Variants in MICAL2 observed in about 807,000 individuals in gnomAD.
The protein encoded by MICAL2 is [F-actin]-monooxygenase MICAL2.
Under a neutral mutation model 127.3 loss-of-function variants are expected in MICAL2, and 77 were observed. That is an observed-to-expected ratio of 0.60 (90% CI 0.50 to 0.73). The LOEUF is 0.73. Ranked by LOEUF, MICAL2 falls within the 30% of genes least tolerant of loss-of-function variation. The probability of loss-of-function intolerance (pLI) is 0.00; values close to 1 mark genes in which losing one functional copy is unlikely to be tolerated. For missense variants in MICAL2, 1,351 were observed against 1,434.4 expected, an observed-to-expected ratio of 0.94 and a Z score of 0.94; for synonymous variants, 570 against 551.1, an observed-to-expected ratio of 1.03 and a Z score of -0.48.
At chr11:12,114,550 C>T (rs1362763140) in intron 1 of MICAL2, among the ~76,000 whole-genome samples, 1 of 152,220 alleles carries the variant, frequency 6.6e-6, no homozygotes, top group Non-Finnish European at 1.5e-5. Flanking sequence ...CATAGGGAGC[C>T]CCTTAAGACG....
chr11:12,178,706 A>T (rs1857108306), intron 3 of MICAL2, among the ~76,000 whole-genome samples: 1 of 150,048 alleles, frequency 6.7e-6, no homozygotes, highest in Non-Finnish European at 1.5e-5. Flanking sequence ...CTCTCATCAG[A>T]CGGTATTATT....
At chr11:12,135,899 C>T (rs2403570) in intron 1 of MICAL2, among the ~76,000 whole-genome samples, 141,476 of 151,996 alleles carry the variant, frequency 0.93, 66,078 homozygotes, top group Non-Finnish European at 0.99. Flanking sequence ...TATCTCACAC[C>T]GACCTACACC....
upstream of MICAL2, among the ~76,000 whole-genome samples, chr11:12,275,519 G>A (rs1431364163): frequency 6.6e-6 from 1 of 152,196 alleles, no homozygotes; most frequent in Non-Finnish European, 1.5e-5. Flanking sequence ...CAGTGAAGAA[G>A]GGGCTGGGGA....
At chr11:12,346,917 T>G (rs1938964010) in intron 32 of MICAL2, among the ~76,000 whole-genome samples, 1 of 152,188 alleles carries the variant, frequency 6.6e-6, no homozygotes, top group Non-Finnish European at 1.5e-5. Flanking sequence ...ACTTTAGTCC[T>G]TTACACACGA....
chr11:12,309,763 T>C (rs1455402471), intron 29 of MICAL2, among the ~76,000 whole-genome samples: 1 of 152,210 alleles, frequency 6.6e-6, no homozygotes, highest in Admixed American at 6.5e-5. Flanking sequence ...TTTGTCATAA[T>C]GGTTTTACTA....
intron 1 of MICAL2, among the ~76,000 whole-genome samples, chr11:12,131,856 G>T (rs746268455): frequency 1.3e-5 from 2 of 152,198 alleles, no homozygotes; most frequent in East Asian, 3.8e-4. Flanking sequence ...GAGGGAAGTT[G>T]TAAGAACTGG....
Position 12,262,020 on chromosome 11 carries a change from C to G in MICAL2, c.3335-460C>G, listed in dbSNP as rs911117304. 9 of 1,007,648 alleles carry G rather than the reference C, an allele frequency of 8.9e-6. No individual in the cohort carries two copies. In the Admixed American group the frequency reaches 2.1e-4, roughly 24 times the overall value. 62.4% of individuals were successfully genotyped at this position (1,007,648 alleles called of 1,614,324 possible). ...AGCCCGAGTCGGAATCTCTGACTGTCGTGTACAGCCATAAGGAGACTGGTT... is the reference window on the plus strand; with the variant it reads ...AGCCCGAGTCGGAATCTCTGACTGTGGTGTACAGCCATAAGGAGACTGGTT... On this transcript the variant is annotated intron_variant, in intron 26 of 27. Transcript: ENST00000683283.
At chr11:12,271,767 G>A (rs747125438), upstream of MICAL2, among the ~76,000 whole-genome samples, 38 of 152,174 alleles carry the variant, frequency 2.5e-4, no homozygotes, top group Non-Finnish European at 4.4e-4. Flanking sequence ...TTGACTGGAG[G>A]AATTTTCTCG....
chr11:12,191,085 G>A (rs1859033698), intron 3 of MICAL2, among the ~76,000 whole-genome samples: 1 of 152,112 alleles, frequency 6.6e-6, no homozygotes, highest in Admixed American at 6.6e-5. Flanking sequence ...TAGCCTCTGG[G>A]GATACAGCTA....
At chr11:12,191,129 C>T (rs1226404852) in intron 3 of MICAL2, among the ~76,000 whole-genome samples, 1 of 152,116 alleles carries the variant, frequency 6.6e-6, no homozygotes, top group Non-Finnish European at 1.5e-5. Context: ...TTTAGTGGAA[C>T]TTATGTTCTA....
intron 1 of MICAL2, among the ~76,000 whole-genome samples, chr11:12,128,176 G>A (rs925337064): frequency 6.6e-6 from 1 of 152,214 alleles, no homozygotes; most frequent in Non-Finnish European, 1.5e-5. Context: ...GTGGGTGTAG[G>A]TTAGTGGCAG....
At chr11:12,174,092 G>GA (rs1856573819) in intron 3 of MICAL2, among the ~76,000 whole-genome samples, 1 of 150,996 alleles carries the variant, frequency 6.6e-6, no homozygotes, top group Admixed American at 6.6e-5. Flanking sequence ...ACTTACAGTT[G>GA]AAAAAAGTAG....
downstream of MICAL2, among the ~76,000 whole-genome samples, chr11:12,288,628 G>C (rs893705156): frequency 3.3e-5 from 5 of 152,226 alleles, no homozygotes; most frequent in African/African-American, 7.2e-5. Context: ...ATTTCAATCA[G>C]CCTAGTGTCT....
intron 26 of MICAL2, chr11:12,260,274 C>CT (rs1862923977): frequency 7.0e-7 from 1 of 1,432,172 alleles, no homozygotes. Context: ...CTAGCATTCT[C>CT]TAAGCAATTA....
chr11:12,112,222 C>T (rs994052410), intron 1 of MICAL2, among the ~76,000 whole-genome samples: 1 of 152,288 alleles, frequency 6.6e-6, no homozygotes, highest in East Asian at 1.9e-4. Flanking sequence ...GGCCCCACAG[C>T]GTGCTGACTA....
At chr11:12,142,987 T>C (rs1030843117) in intron 2 of MICAL2, among the ~76,000 whole-genome samples, 16 of 152,218 alleles carry the variant, frequency 1.1e-4, no homozygotes, top group African/African-American at 3.6e-4. Flanking sequence ...GTTCTTGGGA[T>C]GCAAAAGTGA....
intron 9 of MICAL2, among the ~76,000 whole-genome samples, 174 bp from the exon 10 acceptor site, chr11:12,221,470 A>G (rs1856810032): frequency 6.6e-6 from 1 of 152,174 alleles, no homozygotes; most frequent in South Asian, 2.1e-4. Context: ...ACCTTCTGCT[A>G]TAGTTATTTG....
downstream of MICAL2, chr11:12,294,389 A>C (rs1227026003): frequency 2.5e-6 from 4 of 1,614,074 alleles, no homozygotes; most frequent in Non-Finnish European, 8.5e-7. Context: ...AACCAATTCC[A>C]ATAAAGACGG....
intron 32 of MICAL2, among the ~76,000 whole-genome samples, chr11:12,349,461 A>G (rs1939010636): frequency 6.6e-6 from 1 of 151,666 alleles, no homozygotes; most frequent in South Asian, 2.1e-4. Flanking sequence ...AAGAAGAAGG[A>G]AATGATGAGC....
Sources: allele counts gnomAD v4.1 joint callset (sites outside exome capture counted in the v4.1 genomes callset), GRCh38; gene constraint gnomAD v4.1.1; transcripts MANE v1.5; gene names NCBI Gene and HGNC (gene_info 2026-07-23, HGNC 2026-07-21).